Variants in SPEF2 observed in about 807,000 individuals in gnomAD.
SPEF2 encodes the protein sperm flagellar and cilia associated 2.
Under a neutral mutation model 224.6 loss-of-function variants are expected in SPEF2, and 187 were observed. The observed-to-expected ratio is 0.83, with a 90% CI of 0.74 to 0.94. The LOEUF is 0.94. Among genes scored for constraint, SPEF2 ranks in the 40% least tolerant of loss-of-function variants. The pLI, the probability that SPEF2 is intolerant of heterozygous loss-of-function variation, is 0.00. For synonymous variants in SPEF2, 715 were observed against 707.3 expected (o/e 1.01, Z -0.17); for missense variants, 2,170 against 2,135.6 (o/e 1.02, Z -0.32).
At chr5:35,749,504 G>A (rs1018439807) in intron 23 of SPEF2, among the ~76,000 whole-genome samples, 6 of 152,032 alleles carry the variant, frequency 3.9e-5, no homozygotes, top group African/African-American at 1.4e-4. Flanking sequence ...ATTCAGCAAA[G>A]TTTCCGGATA....
At chr5:35,771,844 T>G (rs1035450191) in intron 27 of SPEF2, 88 bp downstream of exon 27, 2 of 1,445,780 alleles carry the variant, frequency 1.4e-6, no homozygotes, top group Non-Finnish European at 1.8e-6. Flanking sequence ...ATTATTAGCC[T>G]CTAAGCCACT....
At chr5:35,722,415 G>T (rs1743860567) in intron 20 of SPEF2, among the ~76,000 whole-genome samples, 1 of 151,622 alleles carries the variant, frequency 6.6e-6, no homozygotes, top group Admixed American at 6.6e-5. Context: ...CCCACCCTCA[G>T]AAGTCCAAGG....
chr5:35,667,006 A>G, intron 8 of SPEF2, 66 bp from the exon 9 acceptor site: 1 of 1,445,972 alleles, frequency 6.9e-7, no homozygotes, highest in East Asian at 2.5e-5. Flanking sequence ...TTGGCCATTG[A>G]AATGATGACA....
At chr5:35,627,529 A>T (rs1010686203) in intron 1 of SPEF2, among the ~76,000 whole-genome samples, 1 of 152,146 alleles carries the variant, frequency 6.6e-6, no homozygotes, top group African/African-American at 2.4e-5. Flanking sequence ...TGAACCCAGG[A>T]GTCAGAGGTT....
At chr5:35,750,517 T>A (rs532193863) in intron 23 of SPEF2, among the ~76,000 whole-genome samples, 28 of 151,660 alleles carry the variant, frequency 1.8e-4, no homozygotes, top group Non-Finnish European at 3.8e-4. Flanking sequence ...AAGAATCCCA[T>A]CAAAAAGTGA....
At chr5:35,635,918 AT>A (rs1477359032) in intron 2 of SPEF2, among the ~76,000 whole-genome samples, 1 of 152,176 alleles carries the variant, frequency 6.6e-6, no homozygotes, top group African/African-American at 2.4e-5. Context: ...ATAATAGGCC[AT>A]TGAAGGTCTT....
intron 2 of SPEF2, 66 bp downstream of exon 2, chr5:35,628,628 G>T: frequency 8.5e-7 from 1 of 1,171,916 alleles, no homozygotes; most frequent in Non-Finnish European, 1.3e-6. Context: ...GTCTTGTTCT[G>T]TTACTGAGAC....
intron 19 of SPEF2, 71 bp downstream of exon 19, chr5:35,709,192 T>C (rs972143460): frequency 1.1e-5 from 18 of 1,578,234 alleles, no homozygotes; most frequent in Non-Finnish European, 1.5e-5. Context: ...TTATAAATTA[T>C]AGTCTATCTA....
chr5:35,646,477 A>T (rs1186453780), intron 4 of SPEF2, 190 bp from the exon 5 acceptor site: 3 of 463,732 alleles, frequency 6.5e-6, no homozygotes, highest in Non-Finnish European at 1.1e-5. Flanking sequence ...TTTTAATATC[A>T]TGCTTTTCAC....
At chr5:35,636,064 T>G (rs1236650142) in intron 2 of SPEF2, among the ~76,000 whole-genome samples, 1 of 152,140 alleles carries the variant, frequency 6.6e-6, no homozygotes, top group Non-Finnish European at 1.5e-5. Context: ...CAATTCAGAT[T>G]ATTACATATT....
At chr5:35,777,255 A>G (rs1753724243) in intron 29 of SPEF2, among the ~76,000 whole-genome samples, 2 of 152,200 alleles carry the variant, frequency 1.3e-5, no homozygotes, top group African/African-American at 4.8e-5. Context: ...CTTGTCTCAT[A>G]GTGAAGTTCT....
At chr5:35,675,576 T>C (rs1015496784) in intron 10 of SPEF2, 1 of 157,352 alleles carries the variant, frequency 6.4e-6, no homozygotes, top group African/African-American at 2.4e-5. Flanking sequence ...GCTCTTGCTC[T>C]GTCGCCCAGG....
rs147999211 is a variant in SPEF2, at chr5:35,631,491, T to A, written c.161+2929T>A. Reference sequence around the variant, plus strand: ...AAGTGATGATAAGGACATGGAGAAATCAAAACCCTCTTACAATGTTAGTGT... The same window carrying A: ...AAGTGATGATAAGGACATGGAGAAAACAAAACCCTCTTACAATGTTAGTGT... On this transcript the variant is annotated intron_variant, in intron 2 of 36. Coordinates refer to ENST00000356031, the MANE Select transcript of SPEF2 (RefSeq NM_024867.4). Among the ~76,000 whole-genome samples, 288 of 152,152 alleles carry A rather than the reference T, an allele frequency of 1.9e-3. 3 individuals are homozygous for A. The highest frequency in any genetic ancestry group is 6.5e-3 in the African/African-American group (271 of 41,510).
At chr5:35,671,744 T>C (rs544296441) in intron 10 of SPEF2, among the ~76,000 whole-genome samples, 1 of 151,960 alleles carries the variant, frequency 6.6e-6, no homozygotes, top group Non-Finnish European at 1.5e-5. Flanking sequence ...GGAACATGCT[T>C]GTCTTACCCA....
At chr5:35,780,957 AT>A (rs958392344) in intron 30 of SPEF2, among the ~76,000 whole-genome samples, 49 of 152,196 alleles carry the variant, frequency 3.2e-4, no homozygotes, top group African/African-American at 1.2e-3. Flanking sequence ...CAGAGCTCAT[AT>A]TTCCACTAAA....
intron 21 of SPEF2, among the ~76,000 whole-genome samples, chr5:35,732,965 G>T (rs1406765597): frequency 1.3e-5 from 2 of 152,084 alleles, no homozygotes; most frequent in Non-Finnish European, 2.9e-5. Context: ...TATATCATAG[G>T]AATGTATGCA....
At chr5:35,811,306 G>A (rs1310008888) in intron 36 of SPEF2, among the ~76,000 whole-genome samples, 1 of 152,032 alleles carries the variant, frequency 6.6e-6, no homozygotes, top group Non-Finnish European at 1.5e-5. Context: ...GCTAGAGTGT[G>A]GTTTTTCAGG....
intron 23 of SPEF2, among the ~76,000 whole-genome samples, chr5:35,740,681 T>C (rs1747460186): frequency 6.6e-6 from 1 of 152,176 alleles, no homozygotes; most frequent in Admixed American, 6.5e-5. Context: ...CTCTATTGAA[T>C]AGATCTCTTA....
intron 33 of SPEF2, among the ~76,000 whole-genome samples, chr5:35,798,808 G>A (rs552314340): frequency 6.6e-6 from 1 of 152,086 alleles, no homozygotes; most frequent in South Asian, 2.1e-4. Flanking sequence ...TGGCCAGAGT[G>A]GTCTCCAACT....
Sources: allele counts gnomAD v4.1 joint callset (sites outside exome capture counted in the v4.1 genomes callset), GRCh38; gene constraint gnomAD v4.1.1; transcripts MANE v1.5; gene names NCBI Gene and HGNC (gene_info 2026-07-23, HGNC 2026-07-21).